Variants in CDH10 observed in about 807,000 individuals in gnomAD.
The protein encoded by CDH10 is cadherin-10.
CDH10 carries 30 observed loss-of-function variants against 73.1 expected under a neutral mutation model. That is an observed-to-expected ratio of 0.41 (90% CI 0.31 to 0.56). The LOEUF (loss-of-function observed/expected upper bound fraction) is 0.56, where lower values mean the gene tolerates loss of function less well. CDH10 is among the 20% of genes least tolerant of loss of function. The probability of loss-of-function intolerance (pLI) is 0.27; values close to 1 mark genes in which losing one functional copy is unlikely to be tolerated. For synonymous variants in CDH10, 345 were observed against 348.2 expected, an observed-to-expected ratio of 0.99 and a Z score of 0.10; for missense variants, 815 against 973.7, an observed-to-expected ratio of 0.84 and a Z score of 2.17.
intron 2 of CDH10, among the ~76,000 whole-genome samples, chr5:24,591,183 G>T (rs1746188885): frequency 6.6e-6 from 1 of 151,870 alleles, no homozygotes; most frequent in African/African-American, 2.4e-5. Flanking sequence ...AATTGTATAA[G>T]TAATTAATGT....
At chr5:24,622,886 T>A in intron 1 of CDH10, among the ~76,000 whole-genome samples, 1 of 152,214 alleles carries the variant, frequency 6.6e-6, no homozygotes, top group East Asian at 1.9e-4. Flanking sequence ...TTTTAAAAAG[T>A]TAGAAATTAT....
chr5:24,589,450 G>C (rs990189119), intron 2 of CDH10, among the ~76,000 whole-genome samples: 4 of 151,780 alleles, frequency 2.6e-5, no homozygotes. Flanking sequence ...TTACTATACT[G>C]ACTTAGAATC....
intron 1 of CDH10, among the ~76,000 whole-genome samples, chr5:24,608,862 C>T (rs1746852259): frequency 6.6e-6 from 1 of 152,126 alleles, no homozygotes; most frequent in Non-Finnish European, 1.5e-5. Context: ...GAATAAGCTG[C>T]AATTTCAAAG....
chr5:24,626,668 C>A (rs1430341671), intron 1 of CDH10, among the ~76,000 whole-genome samples: 1 of 151,658 alleles, frequency 6.6e-6, no homozygotes, highest in African/African-American at 2.4e-5. Flanking sequence ...CCCAGCTACT[C>A]GGGAGACTGA....
chr5:24,607,577 G>A (rs1002173946), intron 1 of CDH10, among the ~76,000 whole-genome samples: 1 of 152,134 alleles, frequency 6.6e-6, no homozygotes, highest in South Asian at 2.1e-4. Flanking sequence ...AAATCCCAGA[G>A]AAATTTTAGC....
At chr5:24,620,100 T>A (rs1360998008) in intron 1 of CDH10, among the ~76,000 whole-genome samples, 4 of 152,168 alleles carry the variant, frequency 2.6e-5, no homozygotes, top group African/African-American at 7.2e-5. Context: ...AAATCTACCT[T>A]AAATTATCTC....
At chr5:24,504,622 T>A (rs919497559) in intron 8 of CDH10, among the ~76,000 whole-genome samples, 3 of 147,302 alleles carry the variant, frequency 2.0e-5, no homozygotes, top group African/African-American at 7.5e-5. Context: ...GCCTCCCAGG[T>A]TCACGCCATT....
At chr5:24,642,238 T>C (rs1165182847) in intron 1 of CDH10, among the ~76,000 whole-genome samples, 1 of 152,106 alleles carries the variant, frequency 6.6e-6, no homozygotes, top group Non-Finnish European at 1.5e-5. Flanking sequence ...TGATTTGGTA[T>C]AAAAATGACA....
intron 2 of CDH10, chr5:24,578,537 G>A: frequency 3.3e-6 from 1 of 300,730 alleles, no homozygotes; most frequent in Non-Finnish European, 6.7e-6. Flanking sequence ...TAGAACTGCT[G>A]GAAACTCCTG....
intron 5 of CDH10, among the ~76,000 whole-genome samples, chr5:24,520,518 A>C (rs6867906): frequency 6.6e-6 from 1 of 151,458 alleles, no homozygotes; most frequent in African/African-American, 2.4e-5. Flanking sequence ...GTCCCTTTCT[A>C]TATTTATCAG....
At chr5:24,588,489 A>C (rs1746093679) in intron 2 of CDH10, among the ~76,000 whole-genome samples, 1 of 152,160 alleles carries the variant, frequency 6.6e-6, no homozygotes, top group Non-Finnish European at 1.5e-5. Context: ...TGTTTTCTAC[A>C]TACTGAACTC....
chr5:24,599,085 T>C (rs2112109320), intron 1 of CDH10, among the ~76,000 whole-genome samples: 1 of 152,260 alleles, frequency 6.6e-6, no homozygotes, highest in East Asian at 1.9e-4. Flanking sequence ...CAGCAGCAAA[T>C]GTGACAGTCC....
At chr5:24,612,353 T>C (rs1036287079) in intron 1 of CDH10, 1 of 152,220 alleles carries the variant, frequency 6.6e-6, no homozygotes, top group African/African-American at 2.4e-5. Flanking sequence ...AATTGCAATA[T>C]GATATTCCAA....
intron 9 of CDH10, among the ~76,000 whole-genome samples, chr5:24,497,283 T>C (rs1742326006): frequency 6.6e-6 from 1 of 151,990 alleles, no homozygotes; most frequent in African/African-American, 2.4e-5. Context: ...TATGCAGCAG[T>C]AGCAAAGTGG....
chr5:24,627,793 A>G lies in CDH10; in HGVS notation c.-124+16801T>C, dbSNP rs185087322. 2.6e-5 allele frequency among the ~76,000 whole-genome samples: 4 copies of G among 152,124 alleles called. No homozygotes were observed. The East Asian group carries it at 7.7e-4, about 29-fold the overall frequency. On this transcript the variant is annotated intron_variant, in intron 1 of 11. Coordinates refer to ENST00000264463, the MANE Select transcript of CDH10 (RefSeq NM_006727.5). ...TTTTAATAGCAGAAAAAACATCTAC[A>G]TATAATCAGTATTAGTGAAAGCACA...
rs989946978 is a variant in CDH10, at chr5:24,511,396, A to C, written c.933T>G (p.Gly311=). Residue 311 remains glycine, a synonymous_variant, in exon 6 of 12, where the codon GGT becomes GGG. Coordinates refer to ENST00000264463, the MANE Select transcript of CDH10 (RefSeq NM_006727.5). ...NAEVEYRIID[G]DGTDMFDIVT... Reference sequence around the variant, plus strand: ...CGATGTCAAACATATCAGTACCGTCACCATCAATAATTCGGTATTCTACTT... The same window carrying C: ...CGATGTCAAACATATCAGTACCGTCCCCATCAATAATTCGGTATTCTACTT... 6 of 1,611,890 alleles carry C rather than the reference A, an allele frequency of 3.7e-6. No individual in the cohort carries two copies. The African/African-American group carries it at 8.0e-5, about 22-fold the overall frequency.
intron 5 of CDH10, 60 bp downstream of exon 5, chr5:24,535,052 G>C (rs2111875098): frequency 7.3e-7 from 1 of 1,365,462 alleles, no homozygotes; most frequent in South Asian, 1.5e-5. Context: ...TTCTTTCTTT[G>C]TCTGTCTTTT....
At chr5:24,635,843 T>C (rs1747850244) in intron 1 of CDH10, among the ~76,000 whole-genome samples, 1 of 151,934 alleles carries the variant, frequency 6.6e-6, no homozygotes, top group African/African-American at 2.4e-5. Context: ...CCTGGAAATG[T>C]TTTGGTTCAA....
At chr5:24,587,853 A>G (rs1746074687) in intron 2 of CDH10, among the ~76,000 whole-genome samples, 1 of 152,218 alleles carries the variant, frequency 6.6e-6, no homozygotes, top group Non-Finnish European at 1.5e-5. Context: ...CTAAAATGAT[A>G]TAGTGAGATT....
Sources: allele counts gnomAD v4.1 joint callset (sites outside exome capture counted in the v4.1 genomes callset), GRCh38; gene constraint gnomAD v4.1.1; transcripts MANE v1.5; gene names NCBI Gene and HGNC (gene_info 2026-07-23, HGNC 2026-07-21).